DACH1: variants seen among roughly 807,000 people sequenced by gnomAD.
The protein encoded by DACH1 is dachshund homolog 1.
In DACH1, 12 loss-of-function variants were observed where a neutral mutation model predicts 54.2. The ratio of observed to expected loss-of-function variants is 0.22; its 90% confidence interval spans 0.14 to 0.36. The LOEUF is 0.36. Ranked by LOEUF, DACH1 falls within the 10% of genes least tolerant of loss-of-function variation. The pLI is 1.00. For synonymous variants in DACH1, 386 were observed against 366.2 expected (o/e 1.05, Z -0.62); for missense variants, 805 against 929.8 (o/e 0.87, Z 1.75).
At chr13:71,763,267 T>C (rs1885478688) in intron 1 of DACH1, among the ~76,000 whole-genome samples, 1 of 152,210 alleles carries the variant, frequency 6.6e-6, no homozygotes, top group South Asian at 2.1e-4. Context: ...GTTTATATCA[T>C]TGGTCACGTA....
chr13:71,773,406 G>A (rs1313979230), intron 1 of DACH1, among the ~76,000 whole-genome samples: 1 of 151,852 alleles, frequency 6.6e-6, no homozygotes, highest in East Asian at 1.9e-4. Flanking sequence ...ATTGTCTTTA[G>A]ATATAAATAT....
chr13:71,623,037 A>G (rs1467375343), intron 3 of DACH1, among the ~76,000 whole-genome samples: 3 of 151,812 alleles, frequency 2.0e-5, no homozygotes, highest in Non-Finnish European at 4.4e-5. Flanking sequence ...AATACATTTA[A>G]TAGTTTATAT....
At position 71,496,244 on chromosome 13, in the gene DACH1, A is replaced by C. The variant is rs1206728692; in HGVS notation, c.1571-7096T>G. Among the ~76,000 whole-genome samples, 12 of 134,178 alleles carry C rather than the reference A, an allele frequency of 8.9e-5. No homozygotes were observed. The Admixed American group carries it at 9.5e-4, about 11-fold the overall frequency. The allele number at this position is 134,178 out of a possible 152,430, so 88.0% of individuals were successfully genotyped here. A position where few individuals can be genotyped will look rare whatever the true frequency, so the allele number is the denominator to read the frequency against. ...CACAGCAAGACTTTGTCTCCCAAAA[A>C]ACAAAAAAATTGCTATGTATATATA... On this transcript the variant is annotated intron_variant, in intron 6 of 10. Transcript: ENST00000613252.
intron 1 of DACH1, among the ~76,000 whole-genome samples, chr13:71,685,976 GA>G (rs1447293830): frequency 6.6e-6 from 1 of 152,016 alleles, no homozygotes; most frequent in African/African-American, 2.4e-5. Context: ...AAGAGGAAGC[GA>G]AACAATGAAA....
chr13:71,517,181 T>C (rs1466580877), intron 6 of DACH1, among the ~76,000 whole-genome samples: 2 of 151,862 alleles, frequency 1.3e-5, no homozygotes, highest in African/African-American at 4.8e-5. Context: ...TAGTCACAGA[T>C]TTTATGGCCA....
intron 2 of DACH1, among the ~76,000 whole-genome samples, chr13:71,643,517 A>G (rs1274933312): frequency 1.3e-5 from 2 of 152,208 alleles, no homozygotes; most frequent in African/African-American, 4.8e-5. Flanking sequence ...AGTCTGTTGC[A>G]TTATTCATTT....
intron 1 of DACH1, among the ~76,000 whole-genome samples, chr13:71,735,540 G>A (rs1884055565): frequency 6.7e-6 from 1 of 149,810 alleles, no homozygotes; most frequent in South Asian, 2.1e-4. Flanking sequence ...ACGTATATGG[G>A]ATATACGTGT....
At chr13:71,486,092 T>C (rs531907136) in intron 7 of DACH1, among the ~76,000 whole-genome samples, 137 of 152,012 alleles carry the variant, frequency 9.0e-4, no homozygotes, top group Non-Finnish European at 1.8e-3. Context: ...AAATTTAATT[T>C]TGATGATGAT....
At chr13:71,539,868 T>C (rs1441877896) in intron 6 of DACH1, among the ~76,000 whole-genome samples, 1 of 152,018 alleles carries the variant, frequency 6.6e-6, no homozygotes, top group Non-Finnish European at 1.5e-5. Flanking sequence ...AATGCGGTCA[T>C]GAAAGAACTG....
chr13:71,814,702 T>C (rs987972202), intron 1 of DACH1, among the ~76,000 whole-genome samples: 1 of 152,242 alleles, frequency 6.6e-6, no homozygotes, highest in African/African-American at 2.4e-5. Context: ...GTTGACTAGA[T>C]TAATTGCCAT....
At chr13:71,708,759 T>G (rs543266687) in intron 1 of DACH1, among the ~76,000 whole-genome samples, 1 of 152,224 alleles carries the variant, frequency 6.6e-6, no homozygotes, top group South Asian at 2.1e-4. Context: ...TACCAACTTT[T>G]CTACATCCAA....
At chr13:71,616,604 C>T (rs1412843186) in intron 3 of DACH1, among the ~76,000 whole-genome samples, 2 of 151,964 alleles carry the variant, frequency 1.3e-5, no homozygotes, top group African/African-American at 4.8e-5. Context: ...GGTGTGGTGG[C>T]ATATGCCTGT....
At chr13:71,489,682 C>A (rs1013119735) in intron 6 of DACH1, among the ~76,000 whole-genome samples, 20 of 151,908 alleles carry the variant, frequency 1.3e-4, no homozygotes, top group African/African-American at 4.8e-4. Context: ...AAACTGGAAT[C>A]CAAATATGTA....
chr13:71,496,019 G>A (rs1245611721), intron 6 of DACH1, among the ~76,000 whole-genome samples: 2 of 151,848 alleles, frequency 1.3e-5, no homozygotes, highest in African/African-American at 2.4e-5. Flanking sequence ...GATCACTTGA[G>A]GCCAGGAGTT....
At chr13:71,705,946 T>C (rs1882415542) in intron 1 of DACH1, among the ~76,000 whole-genome samples, 1 of 152,084 alleles carries the variant, frequency 6.6e-6, no homozygotes, top group Admixed American at 6.5e-5. Flanking sequence ...ATATCCTTTT[T>C]CTTCTGTACC....
chr13:71,494,665 A>C (rs1355729766), intron 6 of DACH1, among the ~76,000 whole-genome samples: 1 of 152,112 alleles, frequency 6.6e-6, no homozygotes, highest in Non-Finnish European at 1.5e-5. Flanking sequence ...TTTTCTAAAG[A>C]AAAATAAAGC....
At chr13:71,472,733 G>T (rs1231481482) in intron 10 of DACH1, among the ~76,000 whole-genome samples, 3 of 152,202 alleles carry the variant, frequency 2.0e-5, no homozygotes, top group African/African-American at 7.2e-5. Context: ...GAAGCAGCAG[G>T]TGCTCATGGC....
chr13:71,812,639 G>T (rs28463814), intron 1 of DACH1, among the ~76,000 whole-genome samples: 99,813 of 151,788 alleles, frequency 0.66, 33,656 homozygotes, highest in East Asian at 0.97. Context: ...TCCAATTAAC[G>T]CCAGCGTTTA....
chr13:71,484,697 T>C (rs1265154740), intron 7 of DACH1, among the ~76,000 whole-genome samples: 2 of 152,214 alleles, frequency 1.3e-5, no homozygotes, highest in East Asian at 1.9e-4. Context: ...AGCCACTTTT[T>C]AAAGCCTTTT....
Sources: gnomAD v4.1 joint callset for allele counts (sites outside exome capture counted in the v4.1 genomes callset) on GRCh38, gnomAD v4.1.1 for gene constraint, MANE v1.5 for transcripts, NCBI Gene and HGNC (gene_info 2026-07-23, HGNC 2026-07-21) for gene names.